Variants in PDE6B observed in about 807,000 individuals in gnomAD.
PDE6B encodes the protein phosphodiesterase 6B, also known as rod cGMP-specific 3',5'-cyclic phosphodiesterase subunit beta.
A neutral mutation model predicts 109.0 loss-of-function variants in PDE6B; 106 were observed. The observed-to-expected ratio is 0.97, with a 90% CI of 0.83 to 1.14. PDE6B has a LOEUF of 1.14. Ranked by LOEUF, PDE6B falls within the 50% of genes most tolerant of loss-of-function variation. The pLI is 0.00. For missense variants in PDE6B, 1,193 were observed against 1,155.6 expected, an observed-to-expected ratio of 1.03 and a Z score of -0.47; for synonymous variants, 490 against 471.3, an observed-to-expected ratio of 1.04 and a Z score of -0.51.
intron 1 of PDE6B, among the ~76,000 whole-genome samples, chr4:627,150 G>GTT (rs553192612): frequency 2.1e-4 from 30 of 143,216 alleles, no homozygotes; most frequent in African/African-American, 3.8e-4. Context: ...TCGTTTGTGG[G>GTT]TTTTTTTTTT....
In PDE6B at chr4:644,011, C is replaced by T. The variant is rs941992555; in HGVS notation, c.711+8042C>T. ...TCGGCTCACTGCAACCTCCACCTCC[C>T]GGGTTCATGCCATTCTCCTGCCTCA... On this transcript the variant is annotated intron_variant, in intron 3 of 21. Transcript: ENST00000496514. Among the ~76,000 whole-genome samples the T allele has an allele frequency of 5.4e-5, 8 of 148,634 alleles. No homozygotes were observed. The East Asian group carries it at 6.0e-4, about 11-fold the overall frequency.
intron 3 of PDE6B, among the ~76,000 whole-genome samples, chr4:645,396 C>T (rs867802827): frequency 6.6e-6 from 1 of 150,702 alleles, no homozygotes; most frequent in Admixed American, 6.6e-5. Flanking sequence ...CCCAGGTTCA[C>T]GCCATTCTCC....
intron 6 of PDE6B, 105 bp from the exon 7 acceptor site, chr4:655,835 G>T: frequency 1.3e-6 from 1 of 785,186 alleles, no homozygotes; most frequent in Non-Finnish European, 2.3e-6. Context: ...GTGCAGCCTA[G>T]ACCAGCCCCT....
chr4:641,570 C>A (rs1442550077), intron 3 of PDE6B, among the ~76,000 whole-genome samples: 1 of 152,204 alleles, frequency 6.6e-6, no homozygotes, highest in East Asian at 1.9e-4. Context: ...GCCACCTAGG[C>A]GTCCCAGCTC....
In PDE6B at chr4:662,565, C is replaced by T. The variant is rs769147926; in HGVS notation, c.1779C>T (p.Ala593=). The T allele has an allele frequency of 5.1e-5, 82 of 1,612,976 alleles. No homozygotes were observed. Among genetic ancestry groups the T allele is most frequent in the South Asian group, 3.0e-4 (27 of 91,080 alleles). Reference sequence around the variant, plus strand: ...TGGAGGCCTTCGCCATGGTGACAGCCGGCCTGTGCCATGACATCGACCACC... The same window carrying T: ...TGGAGGCCTTCGCCATGGTGACAGCTGGCCTGTGCCATGACATCGACCACC... The part of the protein sequence containing the change: ...TDLEAFAMVT[A]GLCHDIDHRG... The change falls in exon 14 of 22, where the codon GCC becomes GCT. Residue 593 remains alanine (A), a synonymous_variant. Transcript: ENST00000496514. The surrounding 1 kb of genome is among the most constrained non-coding windows in gnomAD (Gnocchi z 4.3).
At chr4:654,036 A>G (rs899142336) in intron 4 of PDE6B, 44 bp downstream of exon 4, 2 of 1,613,596 alleles carry the variant, frequency 1.2e-6, no homozygotes, top group Non-Finnish European at 8.5e-7. Flanking sequence ...GGCCCGACCC[A>G]GGTCCCGCAG....
rs1737463006 is a variant in PDE6B, at chr4:663,969, C to A, written c.2021+99C>A. 2 of 1,100,942 alleles carry A rather than the reference C, an allele frequency of 1.8e-6. No individual in the cohort carries two copies. The highest frequency in any genetic ancestry group is 1.6e-5 in the African/African-American group (1 of 64,292). The allele number at this position is 1,100,942 out of a possible 1,614,324, so 68.2% of individuals were successfully genotyped here. ...CAGCGGCGGCACAGCCCGGGGGACG[C>A]AGCCCCGGATTCCGTCCCTGCCCGC... is the stretch of plus-strand genomic sequence containing the variant. On this transcript the variant is annotated intron_variant, in intron 16 of 21. Coordinates refer to ENST00000496514, the MANE Select transcript of PDE6B (RefSeq NM_000283.4). This position sits in a 1 kb window ranked among gnomAD's most constrained non-coding sequence, Gnocchi z 4.0.
chr4:632,334 G>A (rs867290025), intron 1 of PDE6B, among the ~76,000 whole-genome samples: 19 of 151,322 alleles, frequency 1.3e-4, no homozygotes, highest in Admixed American at 2.6e-4. Context: ...GATGCCATCT[G>A]AGGATCACAT....
chr4:635,317 T>C (rs1734615105), intron 2 of PDE6B, among the ~76,000 whole-genome samples: 1 of 129,952 alleles, frequency 7.7e-6, no homozygotes, highest in Admixed American at 7.7e-5. Context: ...GCCCGCGTGT[T>C]CTGTGCTGTG....
In PDE6B at chr4:665,877, C is replaced by T. The variant is rs1737735720; in HGVS notation, c.2268+548C>T. 6.6e-6 allele frequency among the ~76,000 whole-genome samples: 1 copy of T among 152,140 alleles called. No individual in the cohort carries two copies. Among genetic ancestry groups the T allele is most frequent in the Admixed American group, 6.5e-5 (1 of 15,280 alleles). On this transcript the variant is annotated intron_variant, in intron 19 of 21. Transcript: ENST00000496514. The surrounding 1 kb of genome is among the most constrained non-coding windows in gnomAD (Gnocchi z 4.0). ...GTGGGAGCTGTGGTTTCTCACACAC[C>T]CGCTCTGGTGGGCGGCGAGGGGCTC...
chr4:663,249 C>T lies in PDE6B; in HGVS notation c.1920+62C>T, dbSNP rs995775266. 3.0e-5 allele frequency: 28 copies of T among 942,580 alleles called. No homozygotes were observed. The highest frequency in any genetic ancestry group is 4.1e-5 in the Non-Finnish European group (23 of 567,366). The allele number at this position is 942,580 out of a possible 1,614,324, so 58.4% of individuals were successfully genotyped here. ...TGGGGACGCAGCGTCCGCAGGACGG[C>T]AGGGCCGTATCCTGCGGAGCAGGGT... On this transcript the variant is annotated intron_variant, in intron 15 of 21. Coordinates refer to ENST00000496514, the MANE Select transcript of PDE6B (RefSeq NM_000283.4). This position sits in a 1 kb window ranked among gnomAD's most constrained non-coding sequence, Gnocchi z 4.0.
chr4:647,157 C>T (rs1317598023), intron 3 of PDE6B, among the ~76,000 whole-genome samples: 2 of 152,082 alleles, frequency 1.3e-5, no homozygotes, highest in African/African-American at 4.8e-5. Context: ...CTCGCCTGGC[C>T]TGATCATAGT....
At chr4:656,602 G>A (rs1475776129) in intron 8 of PDE6B, among the ~76,000 whole-genome samples, 1 of 151,720 alleles carries the variant, frequency 6.6e-6, no homozygotes, top group East Asian at 1.9e-4. Context: ...CTGCGAGGCC[G>A]TGACCGCCGC....
chr4:625,904 G>A lies in PDE6B; in HGVS notation c.278G>A (p.Ser93Asn), dbSNP rs1331925035. 5 of 1,603,692 alleles carry A rather than the reference G, an allele frequency of 3.1e-6. No individual in the cohort carries two copies. The Admixed American group carries it at 5.1e-5, about 16-fold the overall frequency. ...LCTLLQADRC[S>N]LFMYRQRNGV... ...ACCCTCCTGCAGGCCGACCGCTGCA[G>A]CCTCTTCATGTACCGCCAGCGCAAC... The change falls in exon 1 of 22, where the codon AGC (serine) becomes AAC (asparagine). Residue 93 changes from serine to asparagine, a missense_variant. Physicochemically the swap from Ser to Asn is conservative, Grantham distance 46. Coordinates refer to ENST00000496514, the MANE Select transcript of PDE6B (RefSeq NM_000283.4). The surrounding 1 kb of genome is among the most constrained non-coding windows in gnomAD (Gnocchi z 5.0).
At chr4:668,207 G>A (rs911521806) in intron 21 of PDE6B, among the ~76,000 whole-genome samples, 1 of 151,934 alleles carries the variant, frequency 6.6e-6, no homozygotes, top group Non-Finnish European at 1.5e-5. Context: ...AGCAAACCCG[G>A]ACTGAAAAAT....
intron 2 of PDE6B, among the ~76,000 whole-genome samples, chr4:635,332 C>T (rs1311391414): frequency 1.1e-4 from 10 of 93,806 alleles, no homozygotes; most frequent in East Asian, 3.4e-4. Flanking sequence ...GCTGTGCGTC[C>T]ACCTCCTTAC....
At chr4:635,495 G>A (rs1363722027) in intron 2 of PDE6B, among the ~76,000 whole-genome samples, 3 of 121,938 alleles carry the variant, frequency 2.5e-5, no homozygotes, top group Admixed American at 8.1e-5. Flanking sequence ...CTGCCTGCCC[G>A]TGTGTTCTGT....
chr4:664,193 C>T lies in PDE6B; in HGVS notation c.2101C>T (p.Leu701=). Reference sequence around the variant, plus strand: ...GAAGAGCTGGGTGGAGTACCTGTCCCTGGAGACGACCCGGAAGGAGATCGT... The same window carrying T: ...GAAGAGCTGGGTGGAGTACCTGTCCTTGGAGACGACCCGGAAGGAGATCGT... ...DKKSWVEYLS[L]ETTRKEIVMA... is the part of the protein sequence containing the mutation. Residue 701 remains leucine, a synonymous_variant, in exon 17 of 22, where the codon CTG becomes TTG. Coordinates refer to ENST00000496514, the MANE Select transcript of PDE6B (RefSeq NM_000283.4). The T allele has an allele frequency of 6.2e-7, 1 of 1,607,652 alleles. No individual in the cohort carries two copies. The highest frequency in any genetic ancestry group is 8.5e-7 in the Non-Finnish European group (1 of 1,174,514).
chr4:655,952 C>A lies in PDE6B; in HGVS notation c.1005C>A (p.Ala335=). The change falls in exon 7 of 22, where the codon GCC becomes GCA. Residue 335 remains alanine, a synonymous_variant. Coordinates refer to ENST00000496514, the MANE Select transcript of PDE6B (RefSeq NM_000283.4). The stretch of plus-strand genomic sequence containing the variant: ...TCTCTGCCCACAGCACACCCTCAGC[C>A]GATCACTGGGCCCTGGCCAGCGGCC... ...EEIKVIPTPS[A]DHWALASGLP... The A allele has an allele frequency of 6.2e-7, 1 of 1,609,140 alleles. No individual in the cohort carries two copies. Among genetic ancestry groups the A allele is most frequent in the Non-Finnish European group, 8.5e-7 (1 of 1,175,734 alleles).
Sources: gnomAD v4.1 joint callset for allele counts (sites outside exome capture counted in the v4.1 genomes callset) on GRCh38, gnomAD v4.1.1 for gene constraint, Gnocchi (gnomAD v3.1) non-coding constraint, MANE v1.5 for transcripts, NCBI Gene and HGNC (gene_info 2026-07-23, HGNC 2026-07-21) for gene names.